ZNF510: variants seen among roughly 807,000 people sequenced by gnomAD.
The protein encoded by ZNF510 is zinc finger protein 510.
In ZNF510, 15 loss-of-function variants were observed where a neutral mutation model predicts 18.1. That is an observed-to-expected ratio of 0.83 (90% CI 0.55 to 1.28). ZNF510 has a LOEUF of 1.28. ZNF510 is among the 50% of genes most tolerant of loss of function. ZNF510 has a pLI of 0.00. For missense variants in ZNF510, 724 were observed against 791.8 expected (o/e 0.91, Z 1.03); for synonymous variants, 261 against 266.4 (o/e 0.98, Z 0.20).
At chr9:96,760,573 T>C (rs1849322125) in intron 5 of ZNF510, 96 bp from the exon 6 acceptor site, 2 of 1,121,946 alleles carry the variant, frequency 1.8e-6, no homozygotes, top group East Asian at 4.9e-5. Flanking sequence ...AATTATTTGA[T>C]TTATCAAGAT....
intron 3 of ZNF510, among the ~76,000 whole-genome samples, chr9:96,765,080 T>C (rs1023419789): frequency 6.6e-6 from 1 of 151,988 alleles, no homozygotes; most frequent in African/African-American, 2.4e-5. Flanking sequence ...GCCACTGCAC[T>C]CCAGCCTGGG....
Position 96,758,022 on chromosome 9 carries a change from T to G in ZNF510, c.*756A>C, listed in dbSNP as rs777266026. The G allele has an allele frequency of 3.3e-5, 5 of 152,194 alleles. No individual in the cohort carries two copies. The highest frequency in any genetic ancestry group is 5.9e-5 in the Non-Finnish European group (4 of 68,038). The allele number at this position is 152,194 out of a possible 1,614,324, so 9.4% of individuals were successfully genotyped here. On this transcript the variant is annotated 3_prime_UTR_variant, in exon 6 of 6. Coordinates refer to ENST00000223428, the MANE Select transcript of ZNF510 (RefSeq NM_014930.3). ...TCCCACTACTCAGAATCGGGTGCAG[T>G]TTAAAATGTAGGAATTGTTTATTTC...
At chr9:96,766,380 A>T (rs1048816816) in intron 3 of ZNF510, among the ~76,000 whole-genome samples, 14 of 145,780 alleles carry the variant, frequency 9.6e-5, no homozygotes, top group Admixed American at 8.9e-4. Flanking sequence ...ACCACTACCA[A>T]TTTTTTTTTT....
At chr9:96,776,296 G>C (rs1190176259) in intron 1 of ZNF510, 51 bp from the exon 2 acceptor site, 17 of 680,672 alleles carry the variant, frequency 2.5e-5, no homozygotes, top group Non-Finnish European at 3.7e-5. Context: ...CTGATGCCTG[G>C]GTAACAAATT....
rs1356947664 is a variant in ZNF510 at position 96,759,569 on chromosome 9, G to A, written c.1261C>T (p.Gln421Ter). 2 of 1,613,860 alleles carry A rather than the reference G, an allele frequency of 1.2e-6. No homozygotes were observed. The highest frequency in any genetic ancestry group is 1.7e-6 in the Non-Finnish European group (2 of 1,179,942). The change falls in exon 6 of 6, where the codon CAA (glutamine) becomes TAA (stop). Residue 421 changes from glutamine (Q) to a stop codon, truncating the protein, a stop_gained. Transcript: ENST00000223428. LOFTEE classifies it low-confidence loss of function (END_TRUNC). ...TCTCCTGTGTGAGTTCTCTGATGTTGAATGAGATGTCCTTTCTGACAGAAG... is the reference window on the plus strand; with the variant it reads ...TCTCCTGTGTGAGTTCTCTGATGTTAAATGAGATGTCCTTTCTGACAGAAG... ...KSFCQKGHLI[Q>*]HQRTHTGEKP...
chr9:96,769,280 T>C (rs1174706448), intron 3 of ZNF510, among the ~76,000 whole-genome samples: 1 of 151,556 alleles, frequency 6.6e-6, no homozygotes, highest in Non-Finnish European at 1.5e-5. Flanking sequence ...ACTGAAAAAA[T>C]ATAAAAATTA....
chr9:96,759,665 A>G lies in ZNF510; in HGVS notation c.1165T>C (p.Ser389Pro), dbSNP rs1564433860. Reference protein sequence around the residue: ...YHENKKSYQTSVHRVRRRSHS... With the variant: ...YHENKKSYQTPVHRVRRRSHS... ...CTTCTTCGGCGAACTCTGTGAACCGACGTCTGGTAGGATTTCTTATTTTCA... is the reference window on the plus strand; with the variant it reads ...CTTCTTCGGCGAACTCTGTGAACCGGCGTCTGGTAGGATTTCTTATTTTCA... Residue 389 changes from serine (S) to proline (P), a missense_variant, in exon 6 of 6, where the codon TCG (serine) becomes CCG (proline). By Grantham distance (74) the Ser-to-Pro change is moderately conservative. Coordinates refer to ENST00000223428, the MANE Select transcript of ZNF510 (RefSeq NM_014930.3). 6.2e-7 allele frequency: 1 copy of G among 1,613,568 alleles called. No individual in the cohort carries two copies.
Position 96,763,644 on chromosome 9 carries a change from C to T in ZNF510, c.130-12G>A. On this transcript the variant is annotated splice_polypyrimidine_tract_variant and intron_variant, in intron 3 of 5. Coordinates refer to ENST00000223428, the MANE Select transcript of ZNF510 (RefSeq NM_014930.3). ...AATGACACTGATGCCTGTAACAGTA[C>T]ATTTCTATTCAATCTGAAGGGTTCA... is the stretch of plus-strand genomic sequence containing the variant. 1 of 1,583,814 alleles carries T rather than the reference C, an allele frequency of 6.3e-7. No individual in the cohort carries two copies. The highest frequency in any genetic ancestry group is 8.6e-7 in the Non-Finnish European group (1 of 1,167,578).
rs1849700992 is a variant in ZNF510, at chr9:96,776,243, T to G, written c.-174A>C. 2.4e-6 allele frequency: 3 copies of G among 1,240,430 alleles called. No homozygotes were observed. Among genetic ancestry groups the G allele is most frequent in the Admixed American group, 3.5e-5 (1 of 28,964 alleles). The allele number at this position is 1,240,430 out of a possible 1,614,324, so 76.8% of individuals were successfully genotyped here. On this transcript the variant is annotated splice_region_variant and 5_prime_UTR_variant, in exon 2 of 6. Coordinates refer to ENST00000223428, the MANE Select transcript of ZNF510 (RefSeq NM_014930.3). ...GACTCCTGTTCCTGGGGCTCCCTCC[T>G]TCCTGCAACATAAAGAGCTGCTTTG... is the stretch of plus-strand genomic sequence containing the variant.
chr9:96,764,059 T>C (rs1197501056), intron 3 of ZNF510, among the ~76,000 whole-genome samples: 1 of 152,220 alleles, frequency 6.6e-6, no homozygotes, highest in Non-Finnish European at 1.5e-5. Flanking sequence ...ATCACACCAC[T>C]GTATACCAGC....
chr9:96,769,310 G>C (rs1849538285), intron 3 of ZNF510, among the ~76,000 whole-genome samples: 1 of 151,926 alleles, frequency 6.6e-6, no homozygotes, highest in Non-Finnish European at 1.5e-5. Context: ...TGTGGTGCAT[G>C]CCTGTAATTC....
chr9:96,764,819 A>G (rs1470553544), intron 3 of ZNF510, among the ~76,000 whole-genome samples: 1 of 152,168 alleles, frequency 6.6e-6, no homozygotes, highest in Non-Finnish European at 1.5e-5. Context: ...AAGAGGTATA[A>G]AAAATGAGTA....
chr9:96,767,066 G>A (rs1221318473), intron 3 of ZNF510, among the ~76,000 whole-genome samples: 13 of 152,144 alleles, frequency 8.5e-5, no homozygotes, highest in Non-Finnish European at 1.5e-4. Context: ...GGTGGTTCAC[G>A]CCTATAATTC....
intron 3 of ZNF510, 114 bp downstream of exon 3, chr9:96,774,674 T>C: frequency 1.0e-6 from 1 of 980,540 alleles, no homozygotes; most frequent in Non-Finnish European, 1.5e-6. Flanking sequence ...ACTGCCCTGC[T>C]TTTCTATATA....
rs1042502713 is a variant in ZNF510 at position 96,756,487 on chromosome 9, A to G, written c.*2291T>C. 24 of 152,146 alleles carry G rather than the reference A, an allele frequency of 1.6e-4. No individual in the cohort carries two copies. The highest frequency in any genetic ancestry group is 5.8e-4 in the African/African-American group (24 of 41,414). 9.4% of individuals were successfully genotyped at this position (152,146 alleles called of 1,614,324 possible). A position where few individuals can be genotyped will look rare whatever the true frequency, so the allele number is the denominator to read the frequency against. ...ATTTCCCTTCTAAGAGACAGCTACT[A>G]CTATTGCCTATACAGCTGACATACT... On this transcript the variant is annotated 3_prime_UTR_variant, in exon 6 of 6. Transcript: ENST00000223428.
chr9:96,758,738 G>C lies in ZNF510; in HGVS notation c.*40C>G. The C allele has an allele frequency of 6.6e-7, 1 of 1,515,858 alleles. No individual in the cohort carries two copies. The highest frequency in any genetic ancestry group is 8.8e-7 in the Non-Finnish European group (1 of 1,134,424). The allele number at this position is 1,515,858 out of a possible 1,614,324, so 93.9% of individuals were successfully genotyped here. A position where few individuals can be genotyped will look rare whatever the true frequency, so the allele number is the denominator to read the frequency against. On this transcript the variant is annotated 3_prime_UTR_variant, in exon 6 of 6. Coordinates refer to ENST00000223428, the MANE Select transcript of ZNF510 (RefSeq NM_014930.3). ...TTTTTGTGTATCTCTGATATCAAAT[G>C]GGGTATTCCTTTTGTCAAAAGGATT...
intron 5 of ZNF510, 130 bp from the exon 6 acceptor site, chr9:96,760,607 T>G: frequency 1.3e-6 from 1 of 797,900 alleles, no homozygotes; most frequent in Non-Finnish European, 1.8e-6. Flanking sequence ...TGTATGTGTG[T>G]GTAAATATAT....
At position 96,763,635 on chromosome 9, in the gene ZNF510, G is replaced by GT. The variant is rs1180875265; in HGVS notation, c.130-4dup. 10 of 1,600,108 alleles carry GT rather than the reference G, an allele frequency of 6.2e-6. No homozygotes were observed. The highest frequency in any genetic ancestry group is 1.8e-5 in the Admixed American group (1 of 56,790). On this transcript the variant is annotated splice_polypyrimidine_tract_variant and splice_region_variant and intron_variant, in intron 3 of 5. Coordinates refer to ENST00000223428, the MANE Select transcript of ZNF510 (RefSeq NM_014930.3). ...ACGTCCTTGAATGACACTGATGCCT[G>GT]TAACAGTACATTTCTATTCAATCTG...
chr9:96,759,504 GGA>G lies in ZNF510; in HGVS notation c.1324_1325del (p.Ser442ProfsTer19). The G allele has an allele frequency of 6.2e-7, 1 of 1,613,800 alleles. No individual in the cohort carries two copies. Among genetic ancestry groups the G allele is most frequent in the Non-Finnish European group, 8.5e-7 (1 of 1,179,906 alleles). On this transcript the variant is annotated frameshift_variant, in exon 6 of 6. Transcript: ENST00000223428. LOFTEE classifies it low-confidence loss of function (END_TRUNC). ...GATGAGTACTGAGGTGTGACTTCTG[GGA>G]GAAAGTTTTTCCACATTCACTACAT... Reference protein sequence around the residue: ...FECSECGKTFSQKSHLSTHQR... With the variant: ...FECSECGKTFXQKSHLSTHQR...
Sources: allele counts gnomAD v4.1 joint callset (sites outside exome capture counted in the v4.1 genomes callset), GRCh38; gene constraint gnomAD v4.1.1; transcripts MANE v1.5; gene names NCBI Gene and HGNC (gene_info 2026-07-23, HGNC 2026-07-21).